Variants in DSTN observed in about 807,000 individuals in gnomAD.
DSTN encodes the protein destrin.
In DSTN, 10 loss-of-function variants were observed where a neutral mutation model predicts 16.8. The ratio of observed to expected loss-of-function variants is 0.60; its 90% CI spans 0.37 to 1.01. The LOEUF (loss-of-function observed/expected upper bound fraction) is 1.01, where lower values mean the gene tolerates loss of function less well. Among genes scored for constraint, DSTN ranks in the 50% least tolerant of loss-of-function variants. The pLI is 0.01. For synonymous variants in DSTN, 57 were observed against 58.9 expected (o/e 0.97, Z 0.14); for missense variants, 141 against 196.7 (o/e 0.72, Z 1.69).
chr20:17,580,813 C>G (rs2035335280), intron 1 of DSTN, among the ~76,000 whole-genome samples: 3 of 151,550 alleles, frequency 2.0e-5, no homozygotes, highest in Non-Finnish European at 4.4e-5. Context: ...TTAGAGAAGG[C>G]CTCTTTTGAG....
chr20:17,602,702 T>G (rs1319844227), intron 2 of DSTN, among the ~76,000 whole-genome samples: 2 of 152,186 alleles, frequency 1.3e-5, no homozygotes, highest in Non-Finnish European at 2.9e-5. Flanking sequence ...AGCTGATGCT[T>G]TTTTATGTTT....
intron 1 of DSTN, among the ~76,000 whole-genome samples, chr20:17,578,416 A>G (rs113323125): frequency 0.029 from 4,431 of 152,290 alleles, 76 homozygotes; most frequent in South Asian, 0.036. Context: ...TTGGGTTTTA[A>G]GTATTGAATT....
intron 1 of DSTN, among the ~76,000 whole-genome samples, chr20:17,570,636 CA>C (rs34406504): frequency 0.1 from 15,237 of 152,224 alleles, 894 homozygotes; most frequent in African/African-American, 0.15. Flanking sequence ...TGGGTTTCCC[CA>C]GAGCTGGCGC....
In DSTN at chr20:17,608,935, G is replaced by A. The variant is rs960106082; in HGVS notation, c.*1789G>A. ...CAAATACCATTGTGTTACAGTTGCC[G>A]ACAGTATTCAGTATAGTAACGTGCT... On this transcript the variant is annotated 3_prime_UTR_variant, in exon 4 of 4. Coordinates refer to ENST00000246069, the MANE Select transcript of DSTN (RefSeq NM_006870.4). 3 of 152,014 alleles carry A rather than the reference G, an allele frequency of 2.0e-5. No homozygotes were observed. The highest frequency in any genetic ancestry group is 4.8e-5 in the African/African-American group (2 of 41,368). The allele number at this position is 152,014 out of a possible 1,614,324, so 9.4% of individuals were successfully genotyped here.
chr20:17,571,950 T>TAA (rs1361749979), intron 1 of DSTN, among the ~76,000 whole-genome samples: 2 of 152,206 alleles, frequency 1.3e-5, no homozygotes, highest in East Asian at 3.8e-4. Flanking sequence ...AAGTTACTCT[T>TAA]AGAGTTCAGA....
chr20:17,588,247 TTTACAGAATTCACC>T (rs751285260), intron 1 of DSTN, among the ~76,000 whole-genome samples: 11 of 152,200 alleles, frequency 7.2e-5, no homozygotes, highest in Non-Finnish European at 1.5e-4. Flanking sequence ...GTACTTTTGG[TTTACAGAATTCACC>T]TATGTCCTGG....
intron 1 of DSTN, among the ~76,000 whole-genome samples, chr20:17,580,567 T>G (rs1183879298): frequency 6.6e-6 from 1 of 152,056 alleles, no homozygotes; most frequent in Non-Finnish European, 1.5e-5. Flanking sequence ...GCCAACATGG[T>G]GAAACCCTGT....
chr20:17,574,820 CT>C (rs368112079), intron 1 of DSTN, among the ~76,000 whole-genome samples: 1 of 144,610 alleles, frequency 6.9e-6, no homozygotes, highest in Non-Finnish European at 1.5e-5. Context: ...CTTTCCTTTC[CT>C]TTTTTTCCTT....
chr20:17,600,456 C>G (rs1301902818), intron 1 of DSTN, among the ~76,000 whole-genome samples: 1 of 152,074 alleles, frequency 6.6e-6, no homozygotes, highest in Non-Finnish European at 1.5e-5. Flanking sequence ...TAACCCAGCA[C>G]CTTAGGAAAC....
chr20:17,599,598 C>T (rs2035564821), intron 1 of DSTN: 1 of 152,292 alleles, frequency 6.6e-6, no homozygotes, highest in African/African-American at 2.4e-5. Flanking sequence ...GATAGGAGAA[C>T]AGTCGCAGTT....
At chr20:17,595,524 C>T (rs1044289124) in intron 1 of DSTN, among the ~76,000 whole-genome samples, 2 of 151,924 alleles carry the variant, frequency 1.3e-5, no homozygotes, top group South Asian at 2.1e-4. Context: ...AGATTATCTC[C>T]TCTGGAATTG....
intron 1 of DSTN, among the ~76,000 whole-genome samples, chr20:17,573,592 C>T (rs951372460): frequency 6.6e-6 from 1 of 152,116 alleles, no homozygotes; most frequent in African/African-American, 2.4e-5. Flanking sequence ...TGGATTGGAG[C>T]ATACATATTT....
intron 1 of DSTN, among the ~76,000 whole-genome samples, chr20:17,577,100 T>C (rs1251186794): frequency 6.6e-6 from 1 of 152,236 alleles, no homozygotes; most frequent in Non-Finnish European, 1.5e-5. Context: ...GTATAAAGTG[T>C]ATATGAAACA....
chr20:17,574,725 C>CA (rs775060379), intron 1 of DSTN, among the ~76,000 whole-genome samples: 2,566 of 52,664 alleles, frequency 0.049, 177 homozygotes, highest in African/African-American at 0.093. Context: ...GACTCAGTCT[C>CA]AAAAAAAAAA....
At position 17,608,742 on chromosome 20, in the gene DSTN, A is replaced by G. The variant is rs1313488255; in HGVS notation, c.*1596A>G. On this transcript the variant is annotated 3_prime_UTR_variant, in exon 4 of 4. Transcript: ENST00000246069. ...ATATTATACAAAATTATAAATTCAC[A>G]TTTAAAATTTAGAAAATAGAGAAAA... 6.6e-6 allele frequency: 1 copy of G among 152,202 alleles called. No individual in the cohort carries two copies. The highest frequency in any genetic ancestry group is 1.9e-4 in the East Asian group (1 of 5,204). The allele number at this position is 152,202 out of a possible 1,614,324, so 9.4% of individuals were successfully genotyped here. A position where few individuals can be genotyped will look rare whatever the true frequency, so the allele number is the denominator to read the frequency against.
intron 1 of DSTN, among the ~76,000 whole-genome samples, chr20:17,581,599 G>C (rs528201123): frequency 6.6e-6 from 1 of 152,260 alleles, no homozygotes; most frequent in Admixed American, 6.5e-5. Context: ...ATATTTTGGG[G>C]GTAGAGCTGG....
intron 1 of DSTN, among the ~76,000 whole-genome samples, chr20:17,582,018 T>C (rs1285728633): frequency 1.3e-5 from 2 of 152,056 alleles, no homozygotes; most frequent in Non-Finnish European, 2.9e-5. Flanking sequence ...GCACTGTTGT[T>C]GTAGGCTCTA....
chr20:17,574,323 T>C (rs1308786495), intron 1 of DSTN, among the ~76,000 whole-genome samples: 1 of 152,202 alleles, frequency 6.6e-6, no homozygotes, highest in East Asian at 1.9e-4. Flanking sequence ...AGTTCAATAC[T>C]CTCTGTTAAT....
chr20:17,601,925 T>A (rs2035590952), intron 2 of DSTN, among the ~76,000 whole-genome samples: 1 of 148,148 alleles, frequency 6.8e-6, no homozygotes, highest in African/African-American at 2.5e-5. Flanking sequence ...ATGGTAACAC[T>A]ACCTGATTTT....
Sources: allele counts gnomAD v4.1 joint callset (sites outside exome capture counted in the v4.1 genomes callset), GRCh38; gene constraint gnomAD v4.1.1; transcripts MANE v1.5; gene names NCBI Gene and HGNC (gene_info 2026-07-23, HGNC 2026-07-21).